TMEM248: variants seen among roughly 807,000 people sequenced by gnomAD.
The protein encoded by TMEM248 is UPF0458 protein C7orf42.
A neutral mutation model predicts 30.3 loss-of-function variants in TMEM248; 9 were observed. The observed-to-expected ratio is 0.30, with a 90% CI of 0.18 to 0.52. The LOEUF is 0.52. TMEM248 is among the 20% of genes least tolerant of loss of function. The pLI is 0.97. For synonymous variants in TMEM248, 184 were observed against 154.4 expected, an observed-to-expected ratio of 1.19 and a Z score of -1.42; for missense variants, 338 against 403.3, an observed-to-expected ratio of 0.84 and a Z score of 1.39.
At chr7:66,938,475 A>G (rs561253517) in intron 1 of TMEM248, among the ~76,000 whole-genome samples, 41 of 152,064 alleles carry the variant, frequency 2.7e-4, no homozygotes, top group Admixed American at 3.3e-4. Flanking sequence ...ATTTCTTAAT[A>G]CTATTAAAAA....
intron 1 of TMEM248, among the ~76,000 whole-genome samples, chr7:66,936,824 T>C (rs1038871877): frequency 2.0e-5 from 3 of 152,226 alleles, no homozygotes; most frequent in Non-Finnish European, 4.4e-5. Context: ...TCTGATACTA[T>C]TTCTTTGAAT....
At chr7:66,930,831 C>G (rs982858708) in intron 1 of TMEM248, 26 of 152,604 alleles carry the variant, frequency 1.7e-4, no homozygotes, top group Admixed American at 9.2e-4. Context: ...TCAGACATCA[C>G]AGGATATTTG....
intron 1 of TMEM248, among the ~76,000 whole-genome samples, chr7:66,935,596 G>T (rs971978010): frequency 7.2e-5 from 11 of 152,236 alleles, no homozygotes; most frequent in Non-Finnish European, 1.3e-4. Context: ...AGGCTGGAGT[G>T]CAGAGGCACG....
intron 4 of TMEM248, among the ~76,000 whole-genome samples, chr7:66,948,957 A>C (rs531114621): frequency 1.8e-4 from 28 of 152,312 alleles, no homozygotes; most frequent in African/African-American, 6.7e-4. Flanking sequence ...GTTGTTGGAC[A>C]TTCATAGGCT....
intron 3 of TMEM248, among the ~76,000 whole-genome samples, chr7:66,945,641 C>T (rs867331570): frequency 6.6e-6 from 1 of 152,106 alleles, no homozygotes; most frequent in South Asian, 2.1e-4. Flanking sequence ...TGCTAAGCTG[C>T]TGGGAAGAAC....
At chr7:66,940,203 C>T (rs905262153) in intron 1 of TMEM248, among the ~76,000 whole-genome samples, 1 of 152,172 alleles carries the variant, frequency 6.6e-6, no homozygotes, top group Non-Finnish European at 1.5e-5. Flanking sequence ...ATCCACCCGC[C>T]TCGGCCTCCC....
intron 6 of TMEM248, among the ~76,000 whole-genome samples, chr7:66,955,291 T>C (rs1420605681): frequency 1.3e-5 from 2 of 152,196 alleles, no homozygotes; most frequent in African/African-American, 4.8e-5. Flanking sequence ...TAATTCTGTC[T>C]CCGCACAGTG....
chr7:66,941,341 A>G (rs1402035111), intron 1 of TMEM248, among the ~76,000 whole-genome samples: 3 of 147,896 alleles, frequency 2.0e-5, no homozygotes, highest in African/African-American at 7.5e-5. Flanking sequence ...AGACTACACC[A>G]TTGCTCCAGC....
chr7:66,934,908 A>T (rs1463053349), intron 1 of TMEM248, among the ~76,000 whole-genome samples: 1 of 151,908 alleles, frequency 6.6e-6, no homozygotes, highest in African/African-American at 2.4e-5. Flanking sequence ...GACAAAAATT[A>T]GCCAGGCATG....
At position 66,955,577 on chromosome 7, in the gene TMEM248, C is replaced by A; in HGVS notation, c.*55C>A. On this transcript the variant is annotated 3_prime_UTR_variant, in exon 7 of 7. Transcript: ENST00000341567. ...CTGAGAGAACCATAATCCTTGCCTG[C>A]TGAACCCAGCCTGGGCCTGGATGCT... is the stretch of plus-strand genomic sequence containing the variant. 1 of 1,606,894 alleles carries A rather than the reference C, an allele frequency of 6.2e-7. No homozygotes were observed. The highest frequency in any genetic ancestry group is 1.8e-4 in the Middle Eastern group (1 of 5,582).
intron 1 of TMEM248, among the ~76,000 whole-genome samples, chr7:66,929,195 C>T (rs1791602228): frequency 6.6e-6 from 1 of 152,136 alleles, no homozygotes. Context: ...AGGTTCACTT[C>T]CCGTGTGATC....
At chr7:66,931,309 A>G (rs1335310322) in intron 1 of TMEM248, among the ~76,000 whole-genome samples, 1 of 150,556 alleles carries the variant, frequency 6.6e-6, no homozygotes, top group African/African-American at 2.4e-5. Flanking sequence ...AAAAAAAAAA[A>G]AAAAAAAAAA....
At chr7:66,934,827 G>A (rs377522565) in intron 1 of TMEM248, among the ~76,000 whole-genome samples, 8 of 152,130 alleles carry the variant, frequency 5.3e-5, no homozygotes, top group Admixed American at 2.6e-4. Flanking sequence ...CAGGGTGGGC[G>A]TATCACTCGA....
In TMEM248 at chr7:66,941,935, A is replaced by C. The variant is rs1029508206; in HGVS notation, c.70A>C (p.Met24Leu). 6.2e-7 allele frequency: 1 copy of C among 1,614,144 alleles called. No homozygotes were observed. Among genetic ancestry groups the C allele is most frequent in the African/African-American group, 1.3e-5 (1 of 75,030 alleles). ...ISSRPPLVVF[M>L]ISVSAMAIAF... ...CAGTCGGCCTCCCCTGGTGGTCTTC[A>C]TGATCAGCGTAAGCGCCATGGCCAT... is the stretch of plus-strand genomic sequence containing the variant. The change falls in exon 2 of 7, where the codon ATG (methionine) becomes CTG (leucine). Residue 24 changes from methionine to leucine, a missense_variant. Coordinates refer to ENST00000341567, the MANE Select transcript of TMEM248 (RefSeq NM_017994.5).
Position 66,955,491 on chromosome 7 carries a change from C to T in TMEM248, c.925-11C>T. On this transcript the variant is annotated splice_polypyrimidine_tract_variant and intron_variant, in intron 6 of 6. Transcript: ENST00000341567. ...TTTTTTGACTGGTTTCCCTGGCTTG[C>T]TGTCTTCCAGGTGGCTTTGGCTGAA... The T allele has an allele frequency of 6.2e-7, 1 of 1,614,056 alleles. No individual in the cohort carries two copies. The highest frequency in any genetic ancestry group is 8.5e-7 in the Non-Finnish European group (1 of 1,179,992).
chr7:66,932,929 C>T (rs576794145), intron 1 of TMEM248, among the ~76,000 whole-genome samples: 3 of 151,882 alleles, frequency 2.0e-5, no homozygotes, highest in East Asian at 1.9e-4. Flanking sequence ...TGTAGTGGCA[C>T]GATCTTAGCT....
rs1792381860 is a variant in TMEM248, at chr7:66,955,643, A to G, written c.*121A>G. On this transcript the variant is annotated 3_prime_UTR_variant, in exon 7 of 7. Coordinates refer to ENST00000341567, the MANE Select transcript of TMEM248 (RefSeq NM_017994.5). ...CTTGCGATGTTGGGTTATTCCAGCC[A>G]AAGACATTTCAAGTGCCTGTAACTG... 1 of 1,253,094 alleles carries G rather than the reference A, an allele frequency of 8.0e-7. No individual in the cohort carries two copies. 77.6% of individuals were successfully genotyped at this position (1,253,094 alleles called of 1,614,324 possible). A position where few individuals can be genotyped will look rare whatever the true frequency, so the allele number is the denominator to read the frequency against.
At chr7:66,947,686 G>A (rs1562943794) in intron 3 of TMEM248, among the ~76,000 whole-genome samples, 1 of 151,994 alleles carries the variant, frequency 6.6e-6, no homozygotes, top group African/African-American at 2.4e-5. Context: ...ACAGGCATGA[G>A]CCACCACGCT....
At chr7:66,948,394 G>A in intron 3 of TMEM248, 150 bp from the exon 4 acceptor site, 1 of 933,586 alleles carries the variant, frequency 1.1e-6, no homozygotes, top group Non-Finnish European at 1.6e-6. Flanking sequence ...TCAGGGTCAG[G>A]ACTGCTCTTC....
Sources: allele counts gnomAD v4.1 joint callset (sites outside exome capture counted in the v4.1 genomes callset), GRCh38; gene constraint gnomAD v4.1.1; transcripts MANE v1.5; gene names NCBI Gene and HGNC (gene_info 2026-07-23, HGNC 2026-07-21).